DNASE1: variants seen among roughly 807,000 people sequenced by gnomAD.
DNASE1 encodes deoxyribonuclease 1, also known as deoxyribonuclease-1.
In DNASE1, 40 loss-of-function variants were observed where a neutral mutation model predicts 33.9. The ratio of observed to expected loss-of-function variants is 1.18; its 90% CI spans 0.92 to 1.54. The LOEUF (loss-of-function observed/expected upper bound fraction) is 1.54, where lower values mean the gene tolerates loss of function less well. DNASE1 is among the 40% of genes most tolerant of loss of function. The probability of loss-of-function intolerance (pLI) is 0.00; values close to 1 mark genes in which losing one functional copy is unlikely to be tolerated. For missense variants in DNASE1, 518 were observed against 372.6 expected (o/e 1.39, Z -3.21); for synonymous variants, 216 against 160.0 (o/e 1.35, Z -2.64).
In DNASE1 at chr16:3,655,426, A is replaced by G; in HGVS notation, c.53A>G (p.Gln18Arg). 1 of 1,614,034 alleles carries G rather than the reference A, an allele frequency of 6.2e-7. No homozygotes were observed. The highest frequency in any genetic ancestry group is 8.5e-7 in the Non-Finnish European group (1 of 1,180,002). Residue 18 changes from glutamine (Q) to arginine (R), a missense_variant, in exon 2 of 9, where the codon CAG becomes CGG. Transcript: ENST00000246949. ...CTGCTGGCACTGGCGGCCCTACTGCAGGGGGCCGTGTCCCTGAAGATCGCA... is the reference window on the plus strand; with the variant it reads ...CTGCTGGCACTGGCGGCCCTACTGCGGGGGGCCGTGTCCCTGAAGATCGCA... The part of the protein sequence containing the change: ...GALLALAALL[Q>R]GAVSLKIAAF...
intron 1 of DNASE1, among the ~76,000 whole-genome samples, chr16:3,646,062 G>GAGCC (rs1433948525): frequency 6.6e-6 from 1 of 152,170 alleles, no homozygotes; most frequent in Non-Finnish European, 1.5e-5. Context: ...CAGCCGAGTA[G>GAGCC]AGCCAGCCGA....
chr16:3,641,136 T>C, upstream of DNASE1: 1 of 395,276 alleles, frequency 2.5e-6, no homozygotes, highest in Non-Finnish European at 4.5e-6. Flanking sequence ...GTGGCCAGCA[T>C]GGCCCTGCTG....
At chr16:3,643,923 G>A (rs530946282) in intron 1 of DNASE1, among the ~76,000 whole-genome samples, 1 of 152,128 alleles carries the variant, frequency 6.6e-6, no homozygotes, top group South Asian at 2.1e-4. Context: ...ATCATGCCCG[G>A]CTAATTTTTT....
intron 1 of DNASE1, among the ~76,000 whole-genome samples, chr16:3,619,699 A>G (rs1046580318): frequency 1.3e-5 from 2 of 150,426 alleles, no homozygotes; most frequent in African/African-American, 4.9e-5. Context: ...TTTTGTAGAC[A>G]CAGGTCTTGC....
At chr16:3,649,440 T>C (rs796752519) in intron 1 of DNASE1, among the ~76,000 whole-genome samples, 2 of 152,394 alleles carry the variant, frequency 1.3e-5, no homozygotes, top group African/African-American at 4.8e-5. Flanking sequence ...CATGAACTTA[T>C]GTATTGAAAC....
At chr16:3,662,395 C>T, downstream of DNASE1, 3 of 579,626 alleles carry the variant, frequency 5.2e-6, no homozygotes, top group East Asian at 5.8e-5. Flanking sequence ...AATCCATCGT[C>T]CTCTGCTCCA....
chr16:3,614,342 C>T (rs1477718824), intron 1 of DNASE1, among the ~76,000 whole-genome samples: 3 of 152,164 alleles, frequency 2.0e-5, no homozygotes, highest in Non-Finnish European at 4.4e-5. Context: ...TGTGAGCCAC[C>T]GCGCCTGGCC....
At chr16:3,629,963 G>A (rs537993867) in intron 1 of DNASE1, among the ~76,000 whole-genome samples, 23 of 152,196 alleles carry the variant, frequency 1.5e-4, no homozygotes, top group African/African-American at 5.3e-4. Flanking sequence ...ACAGGCACCC[G>A]CCACCATGCG....
chr16:3,632,848 A>G (rs1480918014), intron 1 of DNASE1, among the ~76,000 whole-genome samples: 1 of 152,108 alleles, frequency 6.6e-6, no homozygotes, highest in East Asian at 1.9e-4. Flanking sequence ...AGACTCCCAA[A>G]GTGCTGGTAT....
At chr16:3,648,485 C>T (rs2151201120) in intron 1 of DNASE1, among the ~76,000 whole-genome samples, 1 of 152,170 alleles carries the variant, frequency 6.6e-6, no homozygotes, top group South Asian at 2.1e-4. Flanking sequence ...TGGCATGAAC[C>T]CCAGAGGTGA....
At chr16:3,630,959 T>G (rs2041677448) in intron 1 of DNASE1, among the ~76,000 whole-genome samples, 2 of 152,122 alleles carry the variant, frequency 1.3e-5, no homozygotes, top group South Asian at 4.1e-4. Flanking sequence ...CAATTTACAC[T>G]TAGTTACTGA....
At chr16:3,662,459 C>T, downstream of DNASE1, 1 of 531,462 alleles carries the variant, frequency 1.9e-6, no homozygotes, top group Non-Finnish European at 3.4e-6. Context: ...GCATGGGACG[C>T]TCATTTCTCA....
intron 1 of DNASE1, among the ~76,000 whole-genome samples, chr16:3,614,148 G>A (rs1030987553): frequency 6.6e-6 from 1 of 151,900 alleles, no homozygotes; most frequent in South Asian, 2.1e-4. Context: ...TCCTGACCTC[G>A]TGATCTGCCC....
At chr16:3,659,189 C>A, downstream of DNASE1, 1 of 249,894 alleles carries the variant, frequency 4.0e-6, no homozygotes, top group Non-Finnish European at 7.7e-6. Flanking sequence ...GTAAGACCCA[C>A]ATGTTGAAAC....
At chr16:3,621,669 C>G (rs1410301716) in intron 1 of DNASE1, among the ~76,000 whole-genome samples, 1 of 152,158 alleles carries the variant, frequency 6.6e-6, no homozygotes, top group Non-Finnish European at 1.5e-5. Context: ...ACATATAAAT[C>G]TATCATTTTG....
intron 5 of DNASE1, 63 bp downstream of exon 5, chr16:3,656,816 G>A: frequency 3.9e-6 from 6 of 1,549,418 alleles, no homozygotes; most frequent in Non-Finnish European, 5.2e-6. Flanking sequence ...CCCCCTCCTA[G>A]GGAACCTGGA....
chr16:3,619,844 C>G (rs1207952639), intron 1 of DNASE1, among the ~76,000 whole-genome samples: 2 of 151,756 alleles, frequency 1.3e-5, no homozygotes, highest in Admixed American at 1.3e-4. Flanking sequence ...TTTCCATTTA[C>G]AGCTCTACTA....
chr16:3,661,643 C>T (rs191444180), downstream of DNASE1: 36 of 247,786 alleles, frequency 1.5e-4, no homozygotes, highest in Non-Finnish European at 1.8e-4. Context: ...AAGTGAGCAA[C>T]GTGAGACTTC....
At chr16:3,650,121 G>A (rs1332674361), upstream of DNASE1, among the ~76,000 whole-genome samples, 1 of 151,964 alleles carries the variant, frequency 6.6e-6, no homozygotes. Flanking sequence ...TTAATTCATG[G>A]ATATTTACTA....
Sources: gnomAD v4.1 joint callset for allele counts (sites outside exome capture counted in the v4.1 genomes callset) on GRCh38, gnomAD v4.1.1 for gene constraint, MANE v1.5 for transcripts, NCBI Gene and HGNC (gene_info 2026-07-23, HGNC 2026-07-21) for gene names.